CHODL: variants seen among roughly 807,000 people sequenced by gnomAD.
The protein encoded by CHODL is transmembrane protein MT75.
A neutral mutation model predicts 34.5 loss-of-function variants in CHODL; 29 were observed. That is an observed-to-expected ratio of 0.84 (90% CI 0.63 to 1.15). The LOEUF is 1.15. CHODL is among the 50% of genes most tolerant of loss of function. The pLI is 0.00. For synonymous variants in CHODL, 125 were observed against 116.1 expected (o/e 1.08, Z -0.49); for missense variants, 332 against 332.5 (o/e 1.00, Z 0.01).
At chr21:18,003,597 A>G (rs1470379988) in intron 1 of CHODL, among the ~76,000 whole-genome samples, 3 of 152,158 alleles carry the variant, frequency 2.0e-5, no homozygotes, top group South Asian at 2.1e-4. Context: ...CAGATGCACA[A>G]TTTCTTTAAT....
chr21:18,191,010 A>G (rs1424091059), intron 2 of CHODL, among the ~76,000 whole-genome samples: 1 of 152,124 alleles, frequency 6.6e-6, no homozygotes, highest in Non-Finnish European at 1.5e-5. Context: ...GCTCCATGAG[A>G]TATTTGTGTC....
At chr21:18,125,248 T>G (rs2065527848) in intron 2 of CHODL, among the ~76,000 whole-genome samples, 1 of 152,220 alleles carries the variant, frequency 6.6e-6, no homozygotes. Context: ...ATGTTTGTTG[T>G]GCTTATTTCT....
At chr21:18,106,169 A>T (rs1384923742) in intron 2 of CHODL, among the ~76,000 whole-genome samples, 1 of 152,088 alleles carries the variant, frequency 6.6e-6, no homozygotes, top group Non-Finnish European at 1.5e-5. Flanking sequence ...GATTTGTTTA[A>T]CTGGAACATT....
At chr21:18,165,258 C>A (rs527526737) in intron 2 of CHODL, among the ~76,000 whole-genome samples, 1 of 152,334 alleles carries the variant, frequency 6.6e-6, no homozygotes. Flanking sequence ...CAGAAAAAAT[C>A]ACCATCACAA....
chr21:18,168,135 T>A (rs1177813231), intron 2 of CHODL, among the ~76,000 whole-genome samples: 1 of 152,188 alleles, frequency 6.6e-6, no homozygotes, highest in Non-Finnish European at 1.5e-5. Flanking sequence ...TCTCAGACCT[T>A]CCCACCGCAA....
intron 2 of CHODL, among the ~76,000 whole-genome samples, chr21:18,045,882 C>G (rs2064436946): frequency 6.6e-6 from 1 of 151,930 alleles, no homozygotes. Context: ...AAGGTGCCAT[C>G]TGAGAAGCAG....
chr21:18,091,005 C>G (rs971679835), intron 2 of CHODL, among the ~76,000 whole-genome samples: 1 of 152,224 alleles, frequency 6.6e-6, no homozygotes, highest in Admixed American at 6.5e-5. Flanking sequence ...CTGGCAGTGA[C>G]CGTCTGGCCT....
intron 2 of CHODL, among the ~76,000 whole-genome samples, chr21:18,055,270 C>G (rs1158708195): frequency 1.3e-5 from 2 of 152,086 alleles, no homozygotes; most frequent in East Asian, 3.9e-4. Context: ...ACAAAATGAA[C>G]CCACCCTTAT....
Position 18,266,478 on chromosome 21 carries a change from A to T in CHODL, c.*440A>T, listed in dbSNP as rs2074463983. 1 of 180,080 alleles carries T rather than the reference A, an allele frequency of 5.6e-6. No individual in the cohort carries two copies. Among genetic ancestry groups the T allele is most frequent in the Non-Finnish European group, 1.2e-5 (1 of 86,216 alleles). The allele number at this position is 180,080 out of a possible 1,614,324, so 11.2% of individuals were successfully genotyped here. On this transcript the variant is annotated 3_prime_UTR_variant, in exon 6 of 6. Coordinates refer to ENST00000299295, the MANE Select transcript of CHODL (RefSeq NM_024944.3). ...TGTTTGATAAAAATGAACTGTTCTA[A>T]TATTTATTTTTATGGCATCTCATTT... is the stretch of plus-strand genomic sequence containing the variant.
At chr21:18,194,069 C>G (rs1050785519) in intron 2 of CHODL, among the ~76,000 whole-genome samples, 14 of 152,128 alleles carry the variant, frequency 9.2e-5, no homozygotes, top group African/African-American at 3.1e-4. Context: ...CTGCTACCCC[C>G]CTGTGAAAAA....
chr21:18,136,217 CTG>C, intron 2 of CHODL, among the ~76,000 whole-genome samples: 1 of 151,398 alleles, frequency 6.6e-6, no homozygotes, highest in Middle Eastern at 3.2e-3. Flanking sequence ...ATATAACCAA[CTG>C]TTAGTTCTCC....
At chr21:18,254,597 G>A (rs1245082308) in intron 1 of CHODL, among the ~76,000 whole-genome samples, 1 of 152,132 alleles carries the variant, frequency 6.6e-6, no homozygotes, top group Non-Finnish European at 1.5e-5. Flanking sequence ...TACATTCTTA[G>A]TGGTAAACAA....
chr21:17,980,016 A>G (rs1467779645), intron 1 of CHODL, among the ~76,000 whole-genome samples: 1 of 151,708 alleles, frequency 6.6e-6, no homozygotes, highest in Non-Finnish European at 1.5e-5. Flanking sequence ...GTTGACATAA[A>G]TTAAAAGTGA....
chr21:18,251,451 ATATT>A (rs1451826748), intron 1 of CHODL, among the ~76,000 whole-genome samples: 1 of 72,180 alleles, frequency 1.4e-5, no homozygotes, highest in African/African-American at 6.1e-5. Flanking sequence ...ATAAAAATAC[ATATT>A]TATTTTATTT....
At chr21:18,178,034 T>A (rs58468843) in intron 2 of CHODL, among the ~76,000 whole-genome samples, 20,441 of 152,116 alleles carry the variant, frequency 0.13, 1,891 homozygotes, top group African/African-American at 0.25. Flanking sequence ...CCTTGAGAAA[T>A]TCGCTTGGGA....
At chr21:17,992,743 TC>T (rs67033737) in intron 1 of CHODL, among the ~76,000 whole-genome samples, 1 of 50,122 alleles carries the variant, frequency 2.0e-5, no homozygotes, top group Admixed American at 2.0e-4. Context: ...TTTTTTTTTT[TC>T]CAGACAGAGT....
chr21:17,999,852 C>G (rs1456733326), intron 1 of CHODL, among the ~76,000 whole-genome samples: 1 of 152,206 alleles, frequency 6.6e-6, no homozygotes, highest in Non-Finnish European at 1.5e-5. Context: ...TCTGCAGTTT[C>G]TTGACATGGT....
intron 2 of CHODL, among the ~76,000 whole-genome samples, chr21:18,192,204 T>C (rs1568930709): frequency 1.3e-5 from 2 of 152,180 alleles, no homozygotes; most frequent in Non-Finnish European, 2.9e-5. Context: ...AGAAGGATGG[T>C]AATCTGATCA....
chr21:18,139,032 G>T (rs1243836900), intron 2 of CHODL, among the ~76,000 whole-genome samples: 1 of 152,050 alleles, frequency 6.6e-6, no homozygotes, highest in Non-Finnish European at 1.5e-5. Flanking sequence ...TTTCATAAAA[G>T]ATAATGCTGC....
Sources: allele counts gnomAD v4.1 joint callset (sites outside exome capture counted in the v4.1 genomes callset), GRCh38; gene constraint gnomAD v4.1.1; transcripts MANE v1.5; gene names NCBI Gene and HGNC (gene_info 2026-07-23, HGNC 2026-07-21).